Variants in FOXP2 observed in about 807,000 individuals in gnomAD.
The protein encoded by FOXP2 is forkhead box P2.
A neutral mutation model predicts 115.8 loss-of-function variants in FOXP2; 12 were observed. That is an observed-to-expected ratio of 0.10 (90% CI 0.07 to 0.17). The LOEUF is 0.17. Ranked by LOEUF, FOXP2 falls within the 10% of genes least tolerant of loss-of-function variation. FOXP2 has a pLI of 1.00. For synonymous variants in FOXP2, 328 were observed against 297.7 expected (o/e 1.10, Z -1.05); for missense variants, 629 against 843.5 (o/e 0.75, Z 3.15).
Position 114,492,825 on chromosome 7 carries a change from C to G in FOXP2, c.169-41792C>G, listed in dbSNP as rs568641227. Among the ~76,000 whole-genome samples, 8 of 152,284 alleles carry G rather than the reference C, an allele frequency of 5.3e-5. No individual in the cohort carries two copies. In the East Asian group the frequency reaches 1.5e-3, roughly 29 times the overall value. ...TTTACATTTGCTGAGGAGTGCTTTACTTCCAACTATGTGGTCAGTTTTGGA... is the reference window on the plus strand; with the variant it reads ...TTTACATTTGCTGAGGAGTGCTTTAGTTCCAACTATGTGGTCAGTTTTGGA... On this transcript the variant is annotated intron_variant, in intron 2 of 16. Transcript: ENST00000350908.
intron 2 of FOXP2, among the ~76,000 whole-genome samples, chr7:114,336,650 C>T (rs1055651730): frequency 1.3e-5 from 2 of 151,300 alleles, no homozygotes; most frequent in African/African-American, 4.8e-5. Context: ...ATACTTTTCA[C>T]ATAAGAGAAA....
At chr7:114,586,026 T>C (rs1802113816) in intron 3 of FOXP2, among the ~76,000 whole-genome samples, 1 of 152,132 alleles carries the variant, frequency 6.6e-6, no homozygotes, top group Non-Finnish European at 1.5e-5. Flanking sequence ...GTGTGTGTAG[T>C]GTGTAGACAA....
At chr7:114,368,429 T>C (rs916435247) in intron 2 of FOXP2, among the ~76,000 whole-genome samples, 2 of 152,200 alleles carry the variant, frequency 1.3e-5, no homozygotes, top group Non-Finnish European at 2.9e-5. Context: ...AGGTAGTTTA[T>C]AATCACTGTG....
intron 2 of FOXP2, among the ~76,000 whole-genome samples, chr7:114,345,004 A>G (rs969008040): frequency 7.0e-6 from 1 of 142,172 alleles, no homozygotes; most frequent in African/African-American, 2.5e-5. Context: ...GGAAAAATGG[A>G]TTGGAAGTGA....
At chr7:114,520,124 CTATGGG>C (rs970350092) in intron 2 of FOXP2, among the ~76,000 whole-genome samples, 3 of 152,090 alleles carry the variant, frequency 2.0e-5, no homozygotes, top group Non-Finnish European at 4.4e-5. Context: ...CTTATCAATC[CTATGGG>C]TAATTTGATT....
chr7:114,321,135 C>A (rs1212486361), intron 2 of FOXP2, among the ~76,000 whole-genome samples: 1 of 152,004 alleles, frequency 6.6e-6, no homozygotes, highest in Non-Finnish European at 1.5e-5. Flanking sequence ...AGTTAGGTAA[C>A]AAGGAGCCTC....
In FOXP2 at chr7:114,097,228, C is replaced by T. The variant is rs117763197; in HGVS notation, c.-247+9390C>T. Among the ~76,000 whole-genome samples, 124 of 152,286 alleles carry T rather than the reference C, an allele frequency of 8.1e-4. 2 individuals are homozygous for T. The East Asian group carries it at 0.023, about 28-fold the overall frequency. On this transcript the variant is annotated intron_variant, in intron 1 of 19. Coordinates refer to the FOXP2 transcript ENST00000635638. Reference sequence around the variant, plus strand: ...ATATAGCTGTGTAATCACTACCACACTTAATATACAGAATAGTTGTATAAT... The same window carrying T: ...ATATAGCTGTGTAATCACTACCACATTTAATATACAGAATAGTTGTATAAT...
chr7:114,616,456 C>G (rs1029937312), intron 3 of FOXP2, among the ~76,000 whole-genome samples: 3 of 152,122 alleles, frequency 2.0e-5, no homozygotes, highest in Admixed American at 1.3e-4. Context: ...AGCCACCATG[C>G]CTGGCCTACA....
At chr7:114,157,716 C>T (rs960219826) in intron 1 of FOXP2, among the ~76,000 whole-genome samples, 1 of 152,094 alleles carries the variant, frequency 6.6e-6, no homozygotes, top group South Asian at 2.1e-4. Flanking sequence ...TTAATGTGTT[C>T]CCCCACTTCC....
intron 2 of FOXP2, among the ~76,000 whole-genome samples, chr7:114,443,731 T>C (rs982319963): frequency 1.3e-5 from 2 of 152,162 alleles, no homozygotes; most frequent in Non-Finnish European, 2.9e-5. Context: ...GTTCCACCCA[T>C]GTTGCTGCAG....
intron 1 of FOXP2, among the ~76,000 whole-genome samples, chr7:114,421,413 A>G (rs1345394834): frequency 6.6e-6 from 1 of 151,640 alleles, no homozygotes; most frequent in Non-Finnish European, 1.5e-5. Flanking sequence ...AAATGTAGTC[A>G]TTATCATTTA....
chr7:114,664,748 G>T, intron 16 of FOXP2: 1 of 374,124 alleles, frequency 2.7e-6, no homozygotes, highest in Non-Finnish European at 5.0e-6. Flanking sequence ...TCACAGGTTG[G>T]TTTGTATGGT....
At chr7:114,232,584 C>A (rs548521837) in intron 1 of FOXP2, among the ~76,000 whole-genome samples, 1 of 151,956 alleles carries the variant, frequency 6.6e-6, no homozygotes, top group Non-Finnish European at 1.5e-5. Flanking sequence ...GAGGCTTAGG[C>A]GGGCGGATCA....
intron 2 of FOXP2, among the ~76,000 whole-genome samples, chr7:114,488,937 G>A (rs17372211): frequency 0.18 from 27,868 of 151,920 alleles, 3,113 homozygotes; most frequent in Non-Finnish European, 0.26. Flanking sequence ...TGTGAAATAT[G>A]AACACTTTTA....
chr7:114,203,766 C>T (rs1006575894), intron 1 of FOXP2, among the ~76,000 whole-genome samples: 4 of 152,102 alleles, frequency 2.6e-5, no homozygotes, highest in African/African-American at 4.8e-5. Context: ...TTTTTTGCCA[C>T]GTTGCAGTTG....
chr7:114,405,828 T>G (rs1002643627), intron 2 of FOXP2, among the ~76,000 whole-genome samples: 1 of 151,912 alleles, frequency 6.6e-6, no homozygotes, highest in African/African-American at 2.4e-5. Flanking sequence ...TTTGAAATTT[T>G]TATTTTTGGA....
intron 3 of FOXP2, among the ~76,000 whole-genome samples, chr7:114,560,632 A>C (rs1800715591): frequency 2.6e-5 from 4 of 152,236 alleles, no homozygotes; most frequent in South Asian, 2.1e-4. Flanking sequence ...TCCGCCAAAA[A>C]AAAGAACTGA....
chr7:114,523,929 G>T (rs1798744708), intron 2 of FOXP2, among the ~76,000 whole-genome samples: 1 of 152,042 alleles, frequency 6.6e-6, no homozygotes, highest in Non-Finnish European at 1.5e-5. Context: ...TGGGCAACTT[G>T]GTGTAAACAA....
intron 1 of FOXP2, among the ~76,000 whole-genome samples, chr7:114,195,751 G>T (rs1186880900): frequency 6.6e-6 from 1 of 152,022 alleles, no homozygotes; most frequent in African/African-American, 2.4e-5. Context: ...AGGAAGAAAG[G>T]GCTTACTAAG....
Sources: allele counts gnomAD v4.1 joint callset (sites outside exome capture counted in the v4.1 genomes callset), GRCh38; gene constraint gnomAD v4.1.1; transcripts MANE v1.5; gene names NCBI Gene and HGNC (gene_info 2026-07-23, HGNC 2026-07-21).